The following DOCK3 variants were observed in gnomAD, a reference collection of about 807,000 sequenced individuals.
DOCK3 encodes the protein dedicator of cytokinesis 3.
Under a neutral mutation model 265.6 loss-of-function variants are expected in DOCK3, and 60 were observed. That is an observed-to-expected ratio of 0.23 (90% CI 0.18 to 0.28). The LOEUF (loss-of-function observed/expected upper bound fraction) is 0.28. Ranked by LOEUF, DOCK3 falls within the 10% of genes least tolerant of loss-of-function variation. DOCK3 has a pLI of 1.00. For synonymous variants in DOCK3, 881 were observed against 938.0 expected (o/e 0.94, Z 1.11); for missense variants, 1,981 against 2,594.3 (o/e 0.76, Z 5.14).
At chr3:51,264,152 C>T (rs1576587975) in intron 23 of DOCK3, among the ~76,000 whole-genome samples, 1 of 152,286 alleles carries the variant, frequency 6.6e-6, no homozygotes, top group East Asian at 1.9e-4. Flanking sequence ...AAACTGACCA[C>T]ATAATTGGAA....
At chr3:50,926,390 C>T (rs1033490199) in intron 4 of DOCK3, among the ~76,000 whole-genome samples, 3 of 152,170 alleles carry the variant, frequency 2.0e-5, no homozygotes, top group Admixed American at 6.5e-5. Context: ...TTTGTTCATT[C>T]GTTTGTTCAT....
chr3:51,109,137 A>G (rs1277197530), intron 9 of DOCK3, among the ~76,000 whole-genome samples: 1 of 152,168 alleles, frequency 6.6e-6, no homozygotes, highest in East Asian at 1.9e-4. Context: ...TAAAACAATC[A>G]TCAGCAAATA....
At chr3:50,913,676 C>A (rs573124459) in intron 4 of DOCK3, among the ~76,000 whole-genome samples, 1 of 152,060 alleles carries the variant, frequency 6.6e-6, no homozygotes, top group South Asian at 2.1e-4. Context: ...ATGATCCCTT[C>A]GTTGGTGGGC....
chr3:50,862,156 A>G (rs1242218795), intron 3 of DOCK3, among the ~76,000 whole-genome samples: 3 of 152,180 alleles, frequency 2.0e-5, no homozygotes, highest in South Asian at 2.1e-4. Flanking sequence ...CTGGATGTGC[A>G]TAATTGTTTG....
chr3:51,069,295 C>T (rs2081751722), intron 6 of DOCK3, among the ~76,000 whole-genome samples: 1 of 152,104 alleles, frequency 6.6e-6, no homozygotes, highest in African/African-American at 2.4e-5. Flanking sequence ...ATTATATCTA[C>T]TCCAAATTTT....
chr3:51,123,150 G>A (rs866577451), intron 9 of DOCK3, among the ~76,000 whole-genome samples: 15 of 152,182 alleles, frequency 9.9e-5, no homozygotes, highest in South Asian at 8.3e-4. Context: ...TCCACTGCCC[G>A]GGAGGATAAT....
intron 5 of DOCK3, among the ~76,000 whole-genome samples, chr3:50,942,323 G>T (rs953647171): frequency 6.6e-6 from 1 of 151,928 alleles, no homozygotes; most frequent in Non-Finnish European, 1.5e-5. Context: ...TTGTGACATA[G>T]ATGGTCACAA....
chr3:51,029,466 G>A (rs2079955685), intron 5 of DOCK3, among the ~76,000 whole-genome samples: 7 of 152,152 alleles, frequency 4.6e-5, no homozygotes, highest in Admixed American at 3.3e-4. Flanking sequence ...GCACACCCAC[G>A]AGGCCCCAGT....
intron 5 of DOCK3, among the ~76,000 whole-genome samples, chr3:51,049,828 C>CA (rs1491418779): frequency 0.48 from 68,652 of 142,604 alleles, 16,691 homozygotes; most frequent in Admixed American, 0.54. Flanking sequence ...CACACACACA[C>CA]CCCAAAAAAA....
intron 1 of DOCK3, among the ~76,000 whole-genome samples, chr3:50,703,891 A>G (rs924456196): frequency 2.6e-5 from 4 of 151,012 alleles, no homozygotes; most frequent in African/African-American, 9.7e-5. Context: ...GTTAACTTCT[A>G]CTTTTTTAAT....
chr3:51,205,881 A>G (rs1319782786), intron 12 of DOCK3, among the ~76,000 whole-genome samples: 3 of 152,260 alleles, frequency 2.0e-5, no homozygotes, highest in African/African-American at 7.2e-5. Flanking sequence ...AGTCATGAGT[A>G]GACTGCAAAA....
intron 5 of DOCK3, among the ~76,000 whole-genome samples, chr3:51,003,709 A>G (rs974186646): frequency 6.6e-6 from 1 of 152,164 alleles, no homozygotes; most frequent in Non-Finnish European, 1.5e-5. Context: ...ATCTCATAAC[A>G]TGTTTGTCTC....
intron 21 of DOCK3, 76 bp from the exon 22 acceptor site, chr3:51,246,650 A>G: frequency 7.3e-7 from 1 of 1,368,984 alleles, no homozygotes; most frequent in Non-Finnish European, 1.0e-6. Context: ...TATTTGCCTA[A>G]TTCAGGGCTA....
intron 4 of DOCK3, among the ~76,000 whole-genome samples, chr3:50,913,417 T>C (rs1280615449): frequency 6.6e-6 from 1 of 151,994 alleles, no homozygotes; most frequent in East Asian, 1.9e-4. Flanking sequence ...AGCCTGGGGC[T>C]AGGGGAGGGG....
chr3:51,357,803 G>A lies in DOCK3; in HGVS notation c.4729G>A (p.Glu1577Lys), dbSNP rs2086463415. The A allele has an allele frequency of 6.2e-7, 1 of 1,613,894 alleles. No homozygotes were observed. The highest frequency in any genetic ancestry group is 1.7e-5 in the Admixed American group (1 of 60,004). Residue 1577 changes from glutamate to lysine, a missense_variant, in exon 45 of 53, where the codon GAG (glutamate) becomes AAG (lysine). Physicochemically the swap from Glu to Lys is moderately conservative, Grantham distance 56. Coordinates refer to ENST00000266037, the MANE Select transcript of DOCK3 (RefSeq NM_004947.5). ...DYINKHPGDA[E>K]KITQLKELMQ... ...CATCAACAAGCACCCAGGAGATGCT[G>A]AGAAGATCACCCAGCTCAAGGAGCT...
intron 5 of DOCK3, among the ~76,000 whole-genome samples, chr3:51,038,356 G>A (rs908741249): frequency 6.6e-6 from 1 of 152,180 alleles, no homozygotes; most frequent in African/African-American, 2.4e-5. Context: ...GCTAGGTACT[G>A]TAGTAGAAAC....
intron 31 of DOCK3, among the ~76,000 whole-genome samples, chr3:51,314,226 C>T (rs1459527770): frequency 1.3e-5 from 2 of 152,102 alleles, no homozygotes; most frequent in East Asian, 1.9e-4. Flanking sequence ...GGTAACATAC[C>T]CTAGATGGCA....
chr3:50,857,114 G>A (rs2046637726), intron 3 of DOCK3, among the ~76,000 whole-genome samples: 1 of 152,046 alleles, frequency 6.6e-6, no homozygotes, highest in Non-Finnish European at 1.5e-5. Flanking sequence ...TGTTTATCAG[G>A]GATATTGGCC....
At chr3:50,727,231 T>G (rs374440965) in intron 1 of DOCK3, among the ~76,000 whole-genome samples, 180 of 152,258 alleles carry the variant, frequency 1.2e-3, no homozygotes, top group Non-Finnish European at 1.6e-3. Context: ...CTATGGTGTT[T>G]AGAGGAAAAG....
Sources: allele counts gnomAD v4.1 joint callset (sites outside exome capture counted in the v4.1 genomes callset), GRCh38; gene constraint gnomAD v4.1.1; transcripts MANE v1.5; gene names NCBI Gene and HGNC (gene_info 2026-07-23, HGNC 2026-07-21).